The following ILKAP variants were observed in gnomAD, a reference collection of about 807,000 sequenced individuals.
ILKAP encodes integrin-linked kinase-associated serine/threonine phosphatase 2C.
ILKAP carries 11 observed loss-of-function variants against 49.1 expected under a neutral mutation model. The observed-to-expected ratio is 0.22, with a 90% CI of 0.14 to 0.37. The LOEUF is 0.37. ILKAP is among the 10% of genes least tolerant of loss of function. The pLI is 1.00. For missense variants in ILKAP, 363 were observed against 510.8 expected (o/e 0.71, Z 2.79); for synonymous variants, 186 against 192.8 (o/e 0.96, Z 0.29).
chr2:238,197,314 C>T (rs186861958), intron 1 of ILKAP, among the ~76,000 whole-genome samples: 12 of 152,312 alleles, frequency 7.9e-5, no homozygotes, highest in Admixed American at 2.0e-4. Context: ...ACAATCACAA[C>T]GCCCGTTCTC....
chr2:238,173,772 CATT>C (rs1693330492), intron 9 of ILKAP, 119 bp from the exon 10 acceptor site: 3 of 1,147,528 alleles, frequency 2.6e-6, no homozygotes, highest in Non-Finnish European at 3.7e-6. Flanking sequence ...GTGGAATTCA[CATT>C]ATTAACCACT....
At chr2:238,188,101 C>T (rs759065163) in intron 5 of ILKAP, 30 bp downstream of exon 5, 1 of 1,611,270 alleles carries the variant, frequency 6.2e-7, no homozygotes, top group Non-Finnish European at 8.5e-7. Context: ...ATGTTAATGC[C>T]AGCCGGGCTT....
Position 238,185,283 on chromosome 2 carries a change from G to A in ILKAP, c.430C>T (p.Arg144Trp). 1 of 1,598,520 alleles carries A rather than the reference G, an allele frequency of 6.3e-7. No homozygotes were observed. Among genetic ancestry groups the A allele is most frequent in the Non-Finnish European group, 8.6e-7 (1 of 1,166,222 alleles). Residue 144 changes from arginine to tryptophan, a missense_variant, in exon 6 of 12, where the codon CGG becomes TGG. Transcript: ENST00000254654. ...TCAAAAACAGCAAAATATGAAACCC[G>A]AGTACTGAAAGAACGAATTGAGAGT... ...ECRPPSSLIT[R>W]VSYFAVFDGH...
Position 238,184,129 on chromosome 2 carries a change from C to T in ILKAP, c.533-16G>A. ...ATTACATCTCCTATTACAGAAGGGC[C>T]AAAAGAAAACAATCTCTCAAGGAGG... On this transcript the variant is annotated splice_polypyrimidine_tract_variant and intron_variant, in intron 6 of 11. Transcript: ENST00000254654. 7.7e-7 allele frequency: 1 copy of T among 1,304,854 alleles called. No homozygotes were observed. The highest frequency in any genetic ancestry group is 1.1e-6 in the Non-Finnish European group (1 of 898,796). 80.8% of individuals were successfully genotyped at this position (1,304,854 alleles called of 1,614,324 possible).
rs1693809811 is a variant in ILKAP at position 238,184,193 on chromosome 2, T to A, written c.533-80A>T. On this transcript the variant is annotated intron_variant, in intron 6 of 11. Coordinates refer to ENST00000254654, the MANE Select transcript of ILKAP (RefSeq NM_030768.3). ...CTCCCACTGTCATTTTGGTTTGTTT[T>A]TTGTTTTATTTTTTTGAGACGGAGT... The A allele has an allele frequency of 4.6e-6, 4 of 873,358 alleles. No individual in the cohort carries two copies. In the Admixed American group the frequency reaches 7.6e-5, roughly 16 times the overall value. 54.1% of individuals were successfully genotyped at this position (873,358 alleles called of 1,614,324 possible).
chr2:238,197,133 T>A (rs10929270), intron 1 of ILKAP, among the ~76,000 whole-genome samples: 37,699 of 152,078 alleles, frequency 0.25, 4,965 homozygotes, highest in East Asian at 0.48. Context: ...GAGGCGGAGG[T>A]TGCGGTGAGC....
chr2:238,189,603 G>C (rs1694040477), intron 4 of ILKAP: 1 of 280,424 alleles, frequency 3.6e-6, no homozygotes, highest in Non-Finnish European at 6.7e-6. Context: ...AAAACCACCT[G>C]TATTTTTTAA....
At chr2:238,172,608 G>A (rs1327245747) in intron 10 of ILKAP, among the ~76,000 whole-genome samples, 1 of 152,216 alleles carries the variant, frequency 6.6e-6, no homozygotes, top group Admixed American at 6.5e-5. Flanking sequence ...CCCGCGGTAC[G>A]TGAGAACATG....
chr2:238,174,559 T>TGGCCGCAC (rs1693365472), intron 9 of ILKAP, among the ~76,000 whole-genome samples: 1 of 152,176 alleles, frequency 6.6e-6, no homozygotes, highest in Non-Finnish European at 1.5e-5. Context: ...GCGGTGCAGA[T>TGGCCGCAC]GGCTGCACAT....
rs1400734145 is a variant in ILKAP, at chr2:238,185,286, T to C, written c.427A>G (p.Thr143Ala). Residue 143 changes from threonine (T) to alanine (A), a missense_variant and splice_region_variant, in exon 6 of 12, where the codon ACT becomes GCT. Physicochemically the swap from Thr to Ala is moderately conservative, Grantham distance 58. Coordinates refer to ENST00000254654, the MANE Select transcript of ILKAP (RefSeq NM_030768.3). ...EECRPPSSLI[T>A]RVSYFAVFDG... ...AAAACAGCAAAATATGAAACCCGAG[T>C]ACTGAAAGAACGAATTGAGAGTTAA... 3.1e-6 allele frequency: 5 copies of C among 1,592,704 alleles called. No homozygotes were observed. The highest frequency in any genetic ancestry group is 2.7e-5 in the African/African-American group (2 of 74,424).
chr2:238,200,726 G>A (rs34082199), intron 1 of ILKAP, among the ~76,000 whole-genome samples: 37,124 of 152,188 alleles, frequency 0.24, 5,671 homozygotes, highest in South Asian at 0.37. Flanking sequence ...GGAGGCTGAG[G>A]TGGAAGAATC....
intron 9 of ILKAP, among the ~76,000 whole-genome samples, chr2:238,180,577 G>C (rs939806328): frequency 6.6e-6 from 1 of 152,184 alleles, no homozygotes; most frequent in African/African-American, 2.4e-5. Flanking sequence ...CTGAGAGTGG[G>C]GCAGCCAGCC....
At chr2:238,182,257 A>T (rs551974684) in intron 8 of ILKAP, 71 bp from the exon 9 acceptor site, 1 of 1,560,078 alleles carries the variant, frequency 6.4e-7, no homozygotes, top group African/African-American at 1.4e-5. Flanking sequence ...AGTTGAAAAA[A>T]ACAGTTAACA....
chr2:238,172,047 T>C (rs1021249700), intron 10 of ILKAP, among the ~76,000 whole-genome samples: 1 of 152,164 alleles, frequency 6.6e-6, no homozygotes, highest in African/African-American at 2.4e-5. Flanking sequence ...TTGTTTTTTG[T>C]TGCTGCTGCT....
intron 5 of ILKAP, chr2:238,186,827 C>T (rs1267471333): frequency 6.6e-6 from 1 of 152,038 alleles, no homozygotes; most frequent in African/African-American, 2.4e-5. Context: ...AGAAAAAAAA[C>T]CTCATCTGGT....
chr2:238,183,452 TC>T (rs1053253644), intron 8 of ILKAP, among the ~76,000 whole-genome samples, 200 bp downstream of exon 8: 2 of 152,108 alleles, frequency 1.3e-5, no homozygotes, highest in Non-Finnish European at 1.5e-5. Context: ...GGGCGTAAGT[TC>T]CCCAGAGAAC....
At chr2:238,181,887 T>C (rs765027821) in intron 9 of ILKAP, among the ~76,000 whole-genome samples, 178 bp downstream of exon 9, 1 of 152,198 alleles carries the variant, frequency 6.6e-6, no homozygotes, top group Non-Finnish European at 1.5e-5. Flanking sequence ...TCCTTCCACG[T>C]GGACACATGT....
intron 10 of ILKAP, among the ~76,000 whole-genome samples, chr2:238,171,878 C>T (rs893810858): frequency 6.6e-6 from 1 of 152,096 alleles, no homozygotes. Flanking sequence ...CCCCCTAGAC[C>T]GTCCCTGGAA....
intron 1 of ILKAP, among the ~76,000 whole-genome samples, chr2:238,201,699 G>A (rs1475458587): frequency 6.6e-6 from 1 of 152,188 alleles, no homozygotes; most frequent in Non-Finnish European, 1.5e-5. Flanking sequence ...TTAATTGCAG[G>A]TAAAAAGCAA....
Sources: gnomAD v4.1 joint callset for allele counts (sites outside exome capture counted in the v4.1 genomes callset) on GRCh38, gnomAD v4.1.1 for gene constraint, MANE v1.5 for transcripts, NCBI Gene and HGNC (gene_info 2026-07-23, HGNC 2026-07-21) for gene names.